Variants in MEGF9 observed in about 807,000 individuals in gnomAD.
MEGF9 encodes multiple EGF like domains 9.
In MEGF9, 6 loss-of-function variants were observed where a neutral mutation model predicts 46.8. The ratio of observed to expected loss-of-function variants is 0.13; its 90% CI spans 0.07 to 0.25. The LOEUF (loss-of-function observed/expected upper bound fraction) is 0.25. Ranked by LOEUF, MEGF9 falls within the 10% of genes least tolerant of loss-of-function variation. The pLI is 1.00. For missense variants in MEGF9, 683 were observed against 792.4 expected (o/e 0.86, Z 1.66); for synonymous variants, 302 against 330.7 (o/e 0.91, Z 0.94).
intron 2 of MEGF9, among the ~76,000 whole-genome samples, chr9:120,648,660 T>C (rs2043635734): frequency 6.6e-6 from 1 of 152,214 alleles, no homozygotes; most frequent in Non-Finnish European, 1.5e-5. Context: ...AAAACATGAA[T>C]GAAATGACAA....
intron 2 of MEGF9, among the ~76,000 whole-genome samples, chr9:120,647,323 G>A (rs920266042): frequency 2.0e-5 from 3 of 152,108 alleles, no homozygotes; most frequent in Admixed American, 2.0e-4. Context: ...AATGCACTCA[G>A]TGCCTTTTTC....
chr9:120,682,919 T>C (rs978489378), intron 1 of MEGF9, among the ~76,000 whole-genome samples: 2 of 152,166 alleles, frequency 1.3e-5, no homozygotes, highest in Non-Finnish European at 1.5e-5. Flanking sequence ...TGTAGATTAC[T>C]AGGAATAAAT....
intron 1 of MEGF9, among the ~76,000 whole-genome samples, chr9:120,709,738 G>T (rs1448945317): frequency 6.6e-6 from 1 of 152,128 alleles, no homozygotes. Flanking sequence ...ACCCCTAAGG[G>T]TCCATAATTT....
In MEGF9 at chr9:120,603,580, T is replaced by G. The variant is rs1005018663; in HGVS notation, c.*1610A>C. On this transcript the variant is annotated 3_prime_UTR_variant, in exon 6 of 6. Coordinates refer to ENST00000373930, the MANE Select transcript of MEGF9 (RefSeq NM_001080497.3). ...CTAGGTCTAATCTAATAAGAAGTTT[T>G]TATTTTTTTTCTAACCACTTCACAG... The G allele has an allele frequency of 6.6e-6, 1 of 152,204 alleles. No individual in the cohort carries two copies. Among genetic ancestry groups the G allele is most frequent in the African/African-American group, 2.4e-5 (1 of 41,454 alleles). The allele number at this position is 152,204 out of a possible 1,614,324, so 9.4% of individuals were successfully genotyped here. A position where few individuals can be genotyped will look rare whatever the true frequency, so the allele number is the denominator to read the frequency against.
At chr9:120,630,078 C>T (rs77675034) in intron 2 of MEGF9, among the ~76,000 whole-genome samples, 6,229 of 152,202 alleles carry the variant, frequency 0.041, 421 homozygotes, top group African/African-American at 0.14. Context: ...TTATTTTTAA[C>T]TGACAAATAA....
At chr9:120,636,092 C>T (rs2043572986) in intron 2 of MEGF9, among the ~76,000 whole-genome samples, 1 of 152,162 alleles carries the variant, frequency 6.6e-6, no homozygotes, top group Non-Finnish European at 1.5e-5. Flanking sequence ...TATGTCACCA[C>T]ACCTGGCTAA....
intron 1 of MEGF9, among the ~76,000 whole-genome samples, chr9:120,708,564 A>T (rs2043938970): frequency 6.6e-6 from 1 of 152,250 alleles, no homozygotes; most frequent in South Asian, 2.1e-4. Context: ...CATGCAGACC[A>T]AATCATCACA....
chr9:120,662,427 A>G (rs2043706715), intron 1 of MEGF9, among the ~76,000 whole-genome samples: 1 of 152,238 alleles, frequency 6.6e-6, no homozygotes, highest in Non-Finnish European at 1.5e-5. Context: ...CCATAACAAT[A>G]TCTACTACCT....
chr9:120,627,287 T>C (rs751384107), intron 2 of MEGF9, among the ~76,000 whole-genome samples: 48 of 152,284 alleles, frequency 3.2e-4, no homozygotes, highest in Non-Finnish European at 4.4e-4. Context: ...AACTAGTTAA[T>C]GATTTATTTC....
intron 1 of MEGF9, among the ~76,000 whole-genome samples, chr9:120,681,572 G>GA (rs111533821): frequency 0.038 from 5,327 of 141,806 alleles, 291 homozygotes; most frequent in African/African-American, 0.13. Context: ...TGTGCCTAAT[G>GA]AAAAAAAAAA....
At chr9:120,667,209 C>G (rs1044643192) in intron 1 of MEGF9, among the ~76,000 whole-genome samples, 1 of 152,164 alleles carries the variant, frequency 6.6e-6, no homozygotes, top group African/African-American at 2.4e-5. Flanking sequence ...GGGGACCCAA[C>G]TAATGATTGA....
Position 120,713,921 on chromosome 9 carries a change from G to A in MEGF9, c.438C>T (p.Thr146=), listed in dbSNP as rs2043965329. ...CCGGGCCAGTGGTCGTCGAAAGGGTGGTCGGCGCGGGTCTGGTCGGCGCCT... is the reference window on the plus strand; with the variant it reads ...CCGGGCCAGTGGTCGTCGAAAGGGTAGTCGGCGCGGGTCTGGTCGGCGCCT... The part of the protein sequence containing the change: ...TSQAPTRPAP[T]TLSTTTGPAP... The change falls in exon 1 of 6, where the codon ACC becomes ACT. Residue 146 remains threonine (T), a synonymous_variant. Coordinates refer to ENST00000373930, the MANE Select transcript of MEGF9 (RefSeq NM_001080497.3). 10 of 1,346,016 alleles carry A rather than the reference G, an allele frequency of 7.4e-6. No homozygotes were observed. The East Asian group carries it at 2.8e-4, about 38-fold the overall frequency. 83.4% of individuals were successfully genotyped at this position (1,346,016 alleles called of 1,614,324 possible). A position where few individuals can be genotyped will look rare whatever the true frequency, so the allele number is the denominator to read the frequency against.
At chr9:120,628,126 T>G (rs1297729128) in intron 2 of MEGF9, among the ~76,000 whole-genome samples, 4 of 152,136 alleles carry the variant, frequency 2.6e-5, no homozygotes, top group African/African-American at 9.7e-5. Context: ...TACAAAAAGG[T>G]TTTATATGGA....
intron 1 of MEGF9, among the ~76,000 whole-genome samples, chr9:120,703,603 T>C (rs991136040): frequency 6.6e-6 from 1 of 152,208 alleles, no homozygotes; most frequent in Admixed American, 6.5e-5. Flanking sequence ...AAATGAAAGG[T>C]AACAGTGTAA....
At chr9:120,682,090 A>G (rs1253517690) in intron 1 of MEGF9, among the ~76,000 whole-genome samples, 1 of 152,192 alleles carries the variant, frequency 6.6e-6, no homozygotes, top group South Asian at 2.1e-4. Flanking sequence ...TCTACCCTAC[A>G]TTTTTATTAT....
chr9:120,637,224 GCATGCTCGTTAAGAGT>G (rs1287974922), intron 2 of MEGF9, among the ~76,000 whole-genome samples: 4 of 152,108 alleles, frequency 2.6e-5, no homozygotes, highest in African/African-American at 9.7e-5. Context: ...CTTGAAGGCA[GCATGCTCGTTAAGAGT>G]CATCACCACT....
At chr9:120,701,667 T>C (rs1029312005) in intron 1 of MEGF9, among the ~76,000 whole-genome samples, 2 of 152,162 alleles carry the variant, frequency 1.3e-5, no homozygotes, top group African/African-American at 4.8e-5. Flanking sequence ...CTATGAACAA[T>C]GCCATGAATT....
At chr9:120,629,902 C>T (rs965360914) in intron 2 of MEGF9, among the ~76,000 whole-genome samples, 19 of 150,854 alleles carry the variant, frequency 1.3e-4, no homozygotes, top group Non-Finnish European at 2.2e-4. Flanking sequence ...CACTGCACTC[C>T]AGCCTGGGCA....
intron 5 of MEGF9, among the ~76,000 whole-genome samples, chr9:120,606,857 G>C (rs1183099886): frequency 6.6e-6 from 1 of 152,070 alleles, no homozygotes; most frequent in Non-Finnish European, 1.5e-5. Context: ...ATTCTAAAAA[G>C]AGGCAAAGTT....
Sources: allele counts gnomAD v4.1 joint callset (sites outside exome capture counted in the v4.1 genomes callset), GRCh38; gene constraint gnomAD v4.1.1; transcripts MANE v1.5; gene names NCBI Gene and HGNC (gene_info 2026-07-23, HGNC 2026-07-21).